Variants in STIM1 observed in about 807,000 individuals in gnomAD.
STIM1 encodes stromal interaction molecule 1.
STIM1 carries 25 observed loss-of-function variants against 74.7 expected under a neutral mutation model. The observed-to-expected ratio is 0.33, with a 90% CI of 0.24 to 0.47. The LOEUF (loss-of-function observed/expected upper bound fraction) is 0.47, where lower values mean the gene tolerates loss of function less well. STIM1 is among the 20% of genes least tolerant of loss of function. STIM1 has a pLI of 1.00. For synonymous variants in STIM1, 328 were observed against 348.8 expected, an observed-to-expected ratio of 0.94 and a Z score of 0.66; for missense variants, 728 against 920.8, an observed-to-expected ratio of 0.79 and a Z score of 2.71.
chr11:3,977,245 A>G (rs1415054107), intron 2 of STIM1, among the ~76,000 whole-genome samples: 1 of 152,230 alleles, frequency 6.6e-6, no homozygotes, highest in Non-Finnish European at 1.5e-5. Context: ...TGACTGACCA[A>G]TATTGCTATA....
chr11:3,990,742 A>T (rs1041213390), intron 2 of STIM1, among the ~76,000 whole-genome samples: 20 of 152,308 alleles, frequency 1.3e-4, no homozygotes, highest in African/African-American at 4.6e-4. Context: ...GGTTATTTGT[A>T]TATCTTCTTT....
intron 2 of STIM1, among the ~76,000 whole-genome samples, chr11:4,020,089 C>T (rs981274956): frequency 3.3e-5 from 5 of 152,154 alleles, no homozygotes; most frequent in Admixed American, 1.3e-4. Context: ...ATAATGTCCT[C>T]GAGGCACATC....
intron 3 of STIM1, among the ~76,000 whole-genome samples, chr11:4,049,186 G>C (rs542689670): frequency 6.6e-6 from 1 of 152,178 alleles, no homozygotes; most frequent in East Asian, 1.9e-4. Context: ...GTTAGAGTTG[G>C]TTCCTGTTAT....
intron 5 of STIM1, among the ~76,000 whole-genome samples, chr11:4,059,880 C>T (rs1157801043): frequency 6.6e-6 from 1 of 152,178 alleles, no homozygotes; most frequent in Non-Finnish European, 1.5e-5. Context: ...AAAGTATGCT[C>T]AGGGATAGAA....
Position 3,895,683 on chromosome 11 carries a change from C to CTTCCTTCTTTCT in STIM1, c.139+39277_139+39278insCTTCTTTCTTTC, listed in dbSNP as rs2092083651. On this transcript the variant is annotated intron_variant, in intron 1 of 12. Transcript: ENST00000526596. ...CTTTCTTTCTTTCTTTCCTTCCTTCCTTCTTTCTTTCTTTCTTTCTTTCTT... is the reference window on the plus strand; with the variant it reads ...CTTTCTTTCTTTCTTTCCTTCCTTCCTTCCTTCTTTCTTTCTTTCTTTCTTTCTTTCTTTCTT... 4.5e-4 allele frequency among the ~76,000 whole-genome samples: 17 copies of CTTCCTTCTTTCT among 37,992 alleles called. 1 individual carries two copies. The highest frequency in any genetic ancestry group is 6.3e-4 in the Non-Finnish European group (13 of 20,636). 24.9% of individuals were successfully genotyped at this position (37,992 alleles called of 152,430 possible).
At chr11:4,080,707 C>G (rs2094461078) in intron 7 of STIM1, among the ~76,000 whole-genome samples, 1 of 152,174 alleles carries the variant, frequency 6.6e-6, no homozygotes, top group African/African-American at 2.4e-5. Flanking sequence ...CTCAAGTGAT[C>G]CTCCTGCTTT....
chr11:4,073,122 T>TTC (rs932863736), intron 6 of STIM1, among the ~76,000 whole-genome samples: 9 of 147,882 alleles, frequency 6.1e-5, no homozygotes, highest in Non-Finnish European at 1.2e-4. Context: ...GTGGTCAGTG[T>TTC]TCTCTAGGGG....
chr11:3,922,985 G>A (rs1396304068), intron 1 of STIM1, among the ~76,000 whole-genome samples: 7 of 151,836 alleles, frequency 4.6e-5, no homozygotes, highest in Non-Finnish European at 1.0e-4. Context: ...TGTGGTCCCA[G>A]CTACTCGGGA....
intron 1 of STIM1, among the ~76,000 whole-genome samples, chr11:3,905,206 G>C (rs973659988): frequency 6.6e-6 from 1 of 152,082 alleles, no homozygotes; most frequent in Non-Finnish European, 1.5e-5. Flanking sequence ...GGTGACAGCA[G>C]TTTCAGTGGA....
intron 1 of STIM1, chr11:3,892,740 C>T: frequency 1.4e-5 from 23 of 1,613,194 alleles, no homozygotes; most frequent in Non-Finnish European, 1.9e-5. Flanking sequence ...AAGCAGGAAC[C>T]CTTATAACCA....
intron 2 of STIM1, among the ~76,000 whole-genome samples, chr11:3,990,817 A>G (rs532428607): frequency 6.6e-6 from 1 of 152,160 alleles, no homozygotes; most frequent in South Asian, 2.1e-4. Flanking sequence ...AAAAATTTCC[A>G]TCTTCATTTT....
intron 1 of STIM1, among the ~76,000 whole-genome samples, chr11:3,922,212 G>T (rs909665893): frequency 2.6e-5 from 4 of 151,948 alleles, no homozygotes; most frequent in African/African-American, 9.7e-5. Flanking sequence ...AGCCATTCTA[G>T]TGAGTGCTAA....
intron 6 of STIM1, 74 bp downstream of exon 6, chr11:4,070,277 G>A: frequency 1.9e-6 from 3 of 1,569,008 alleles, no homozygotes; most frequent in Non-Finnish European, 2.6e-6. Context: ...CTGGGTGTGA[G>A]CCACTTGGCC....
intron 3 of STIM1, among the ~76,000 whole-genome samples, chr11:4,050,293 G>A (rs2094229226): frequency 6.6e-6 from 1 of 152,200 alleles, no homozygotes; most frequent in Non-Finnish European, 1.5e-5. Context: ...GGGAGGAGTG[G>A]TTCTGTTCAT....
At chr11:3,931,940 C>T (rs2092866385) in intron 1 of STIM1, among the ~76,000 whole-genome samples, 1 of 152,132 alleles carries the variant, frequency 6.6e-6, no homozygotes, top group Admixed American at 6.5e-5. Flanking sequence ...ATGAAGGCTG[C>T]CAGATGAGGC....
intron 2 of STIM1, among the ~76,000 whole-genome samples, chr11:3,983,027 G>A (rs967387550): frequency 1.3e-5 from 2 of 152,126 alleles, no homozygotes; most frequent in African/African-American, 4.8e-5. Context: ...CATCTCCTAG[G>A]GTCAAGTGAT....
At chr11:3,867,802 T>C (rs1011431639) in intron 1 of STIM1, among the ~76,000 whole-genome samples, 1 of 152,138 alleles carries the variant, frequency 6.6e-6, no homozygotes, top group Non-Finnish European at 1.5e-5. Flanking sequence ...CTGGCTGCCT[T>C]GTGTTGATCT....
At chr11:3,999,384 C>T (rs948280183) in intron 2 of STIM1, among the ~76,000 whole-genome samples, 3 of 152,160 alleles carry the variant, frequency 2.0e-5, no homozygotes, top group African/African-American at 7.2e-5. Context: ...TTTTCTGACC[C>T]AATATCTGGT....
chr11:3,940,292 T>A (rs997137875), intron 1 of STIM1, among the ~76,000 whole-genome samples: 1 of 152,056 alleles, frequency 6.6e-6, no homozygotes, highest in South Asian at 2.1e-4. Context: ...CAGGGTCCAG[T>A]TGGGGAGATA....
Sources: allele counts gnomAD v4.1 joint callset (sites outside exome capture counted in the v4.1 genomes callset), GRCh38; gene constraint gnomAD v4.1.1; transcripts MANE v1.5; gene names NCBI Gene and HGNC (gene_info 2026-07-23, HGNC 2026-07-21).